PTPRN2: variants seen among roughly 807,000 people sequenced by gnomAD.
PTPRN2 encodes receptor-type tyrosine-protein phosphatase N2.
Under a neutral mutation model 118.8 loss-of-function variants are expected in PTPRN2, and 74 were observed. That is an observed-to-expected ratio of 0.62 (90% CI 0.52 to 0.76). The LOEUF (loss-of-function observed/expected upper bound fraction) is 0.76. Among genes scored for constraint, PTPRN2 ranks in the 30% least tolerant of loss-of-function variants. PTPRN2 has a pLI of 0.00. For missense variants in PTPRN2, 1,481 were observed against 1,394.4 expected (o/e 1.06, Z -0.99); for synonymous variants, 641 against 608.0 (o/e 1.05, Z -0.80).
chr7:158,522,077 C>T (rs1824177431), intron 1 of PTPRN2, among the ~76,000 whole-genome samples: 3 of 74,602 alleles, frequency 4.0e-5, no homozygotes, highest in Admixed American at 1.4e-4. Flanking sequence ...GGTGGACTGT[C>T]CAGGTGCTGG....
At chr7:158,501,764 T>A (rs1036818561) in intron 1 of PTPRN2, among the ~76,000 whole-genome samples, 6 of 152,102 alleles carry the variant, frequency 3.9e-5, no homozygotes, top group African/African-American at 1.4e-4. Context: ...AGCCCTGGAT[T>A]TTTTGAAGTT....
intron 2 of PTPRN2, among the ~76,000 whole-genome samples, chr7:158,372,273 C>G (rs183474218): frequency 6.7e-6 from 1 of 150,006 alleles, no homozygotes; most frequent in African/African-American, 2.5e-5. Flanking sequence ...CAGAGCTGAT[C>G]CCCCCAACGC....
intron 12 of PTPRN2, among the ~76,000 whole-genome samples, chr7:157,854,063 C>A (rs1276602226): frequency 2.0e-5 from 3 of 152,212 alleles, no homozygotes; most frequent in Admixed American, 1.3e-4. Flanking sequence ...GACTCCCAGC[C>A]TGTGAGTGGT....
intron 11 of PTPRN2, among the ~76,000 whole-genome samples, chr7:157,993,562 C>T (rs181945191): frequency 1.1e-4 from 16 of 152,224 alleles, no homozygotes; most frequent in Admixed American, 4.6e-4. Flanking sequence ...AGGTGGCGAT[C>T]GGAATCATCT....
At chr7:157,557,183 ACACAC>A (rs570959153) in intron 21 of PTPRN2, among the ~76,000 whole-genome samples, 47 of 151,256 alleles carry the variant, frequency 3.1e-4, no homozygotes, top group Admixed American at 9.9e-4. Context: ...ACAGGCATGC[ACACAC>A]CACACAACAC....
At chr7:158,048,156 G>C (rs574888845) in intron 11 of PTPRN2, among the ~76,000 whole-genome samples, 2 of 147,406 alleles carry the variant, frequency 1.4e-5, no homozygotes, top group African/African-American at 5.1e-5. Flanking sequence ...CACACACACA[G>C]GTCAGTACCA....
At chr7:158,577,117 G>A (rs1828372423) in intron 1 of PTPRN2, among the ~76,000 whole-genome samples, 1 of 135,032 alleles carries the variant, frequency 7.4e-6, no homozygotes, top group Non-Finnish European at 1.6e-5. Flanking sequence ...CAACACTGAG[G>A]GCTCCCAGCC....
At chr7:158,473,671 A>G (rs1487346399) in intron 2 of PTPRN2, among the ~76,000 whole-genome samples, 1 of 152,208 alleles carries the variant, frequency 6.6e-6, no homozygotes, top group Non-Finnish European at 1.5e-5. Context: ...CAGCCTCAGA[A>G]AATCTAGAGT....
At chr7:157,979,971 C>T (rs569945171) in intron 11 of PTPRN2, among the ~76,000 whole-genome samples, 1 of 152,210 alleles carries the variant, frequency 6.6e-6, no homozygotes, top group African/African-American at 2.4e-5. Flanking sequence ...TGTTGTATAG[C>T]ATCAGATAAC....
intron 12 of PTPRN2, among the ~76,000 whole-genome samples, chr7:157,757,305 G>A (rs1393786538): frequency 2.6e-5 from 4 of 152,194 alleles, no homozygotes; most frequent in Non-Finnish European, 4.4e-5. Context: ...CACGGAGGAG[G>A]AGCACTGAGC....
At chr7:158,367,106 C>T (rs1809597271) in intron 2 of PTPRN2, among the ~76,000 whole-genome samples, 1 of 152,174 alleles carries the variant, frequency 6.6e-6, no homozygotes. Context: ...GCTCAGGACT[C>T]GTGCCCCAGG....
At chr7:158,243,437 G>A (rs748206283) in intron 3 of PTPRN2, among the ~76,000 whole-genome samples, 9 of 152,206 alleles carry the variant, frequency 5.9e-5, no homozygotes, top group Non-Finnish European at 1.2e-4. Context: ...TCTGGTCACT[G>A]TAGTGAGAGG....
intron 2 of PTPRN2, among the ~76,000 whole-genome samples, chr7:158,398,811 A>G (rs2151397220): frequency 6.6e-6 from 1 of 152,164 alleles, no homozygotes; most frequent in Non-Finnish European, 1.5e-5. Context: ...AGATGGGCCT[A>G]CCTCTCCATA....
At position 157,811,976 on chromosome 7, in the gene PTPRN2, C is replaced by G. The variant is rs76395122; in HGVS notation, c.1788+86697G>C. Among the ~76,000 whole-genome samples, 872 of 152,254 alleles carry G rather than the reference C, an allele frequency of 5.7e-3. 8 individuals are homozygous for G. The highest frequency in any genetic ancestry group is 0.02 in the Middle Eastern group (6 of 294). On this transcript the variant is annotated intron_variant, in intron 12 of 22. Transcript: ENST00000389418. ...GCTGTCTAAGTAGGGAAGGACCACCCTCGACTTAAGACATGGCTCAGTGAA... is the reference window on the plus strand; with the variant it reads ...GCTGTCTAAGTAGGGAAGGACCACCGTCGACTTAAGACATGGCTCAGTGAA...
At chr7:157,798,691 C>T (rs1307402396) in intron 12 of PTPRN2, among the ~76,000 whole-genome samples, 1 of 152,190 alleles carries the variant, frequency 6.6e-6, no homozygotes, top group Non-Finnish European at 1.5e-5. Flanking sequence ...ATAATTAGAA[C>T]TTTATGTTCG....
chr7:158,018,975 A>C (rs1211091129), intron 11 of PTPRN2, among the ~76,000 whole-genome samples: 3 of 134,164 alleles, frequency 2.2e-5, no homozygotes, highest in South Asian at 2.5e-4. Context: ...ACAAAAAAAA[A>C]AAAAAAAAAA....
intron 12 of PTPRN2, among the ~76,000 whole-genome samples, chr7:157,684,340 C>CGGAGAGGGAGGGAGGCTTT (rs1380075039): frequency 7.4e-6 from 1 of 135,330 alleles, no homozygotes; most frequent in African/African-American, 2.7e-5. Flanking sequence ...GGAGCCGCCG[C>CGGAGAGGGAGGGAGGCTTT]GGAGAGGGAG....
chr7:158,300,325 G>A (rs1046539602), intron 3 of PTPRN2, among the ~76,000 whole-genome samples: 11 of 152,156 alleles, frequency 7.2e-5, no homozygotes, highest in South Asian at 2.1e-4. Context: ...CCCTCGTATC[G>A]TCTGATCCGA....
rs552499275 is a variant in PTPRN2 at position 157,794,897 on chromosome 7, C to T, written c.1788+103776G>A. Among the ~76,000 whole-genome samples, 61 of 152,364 alleles carry T rather than the reference C, an allele frequency of 4.0e-4. No individual in the cohort carries two copies. The highest frequency in any genetic ancestry group is 1.2e-3 in the Admixed American group (19 of 15,304). ...ATTGTCATGCTAAAGCACATCACCT[C>T]GGTCCTCAGAGAGGAGGGATTTCCA... is the stretch of plus-strand genomic sequence containing the variant. On this transcript the variant is annotated intron_variant, in intron 12 of 22. Coordinates refer to ENST00000389418, the MANE Select transcript of PTPRN2 (RefSeq NM_002847.5). The surrounding 1 kb of genome is among the most constrained non-coding windows in gnomAD (Gnocchi z 5.2).
Sources: allele counts gnomAD v4.1 joint callset (sites outside exome capture counted in the v4.1 genomes callset), GRCh38; gene constraint gnomAD v4.1.1; non-coding constraint Gnocchi (gnomAD v3.1); transcripts MANE v1.5; gene names NCBI Gene and HGNC (gene_info 2026-07-23, HGNC 2026-07-21).